The following ZNF670 variants were observed in gnomAD, a reference collection of about 807,000 sequenced individuals.
ZNF670 encodes zinc finger protein 670.
A neutral mutation model predicts 10.9 loss-of-function variants in ZNF670; 7 were observed. That is an observed-to-expected ratio of 0.64 (90% CI 0.36 to 1.20). ZNF670 has a LOEUF of 1.20. Ranked by LOEUF, ZNF670 falls within the 50% of genes most tolerant of loss-of-function variation. The probability of loss-of-function intolerance (pLI) is 0.02; values close to 1 mark genes in which losing one functional copy is unlikely to be tolerated. For synonymous variants in ZNF670, 136 were observed against 152.7 expected, an observed-to-expected ratio of 0.89 and a Z score of 0.81; for missense variants, 446 against 458.6, an observed-to-expected ratio of 0.97 and a Z score of 0.25.
intron 1 of ZNF670, among the ~76,000 whole-genome samples, chr1:247,076,822 G>A (rs1382936130): frequency 6.6e-6 from 1 of 152,112 alleles, no homozygotes; most frequent in South Asian, 2.1e-4. Flanking sequence ...CACCAGACTG[G>A]GCTAATTTTT....
intron 1 of ZNF670, among the ~76,000 whole-genome samples, chr1:247,068,161 T>C (rs1276781080): frequency 6.7e-6 from 1 of 149,492 alleles, no homozygotes; most frequent in African/African-American, 2.5e-5. Flanking sequence ...CTACTAAAGA[T>C]ACAAAAATTG....
intron 1 of ZNF670, among the ~76,000 whole-genome samples, chr1:247,053,069 G>C (rs1427010534): frequency 1.3e-5 from 2 of 152,128 alleles, no homozygotes; most frequent in African/African-American, 4.8e-5. Flanking sequence ...AGGGAAGTGG[G>C]AGAAAGCCAG....
intron 2 of ZNF670, among the ~76,000 whole-genome samples, 186 bp from the exon 3 acceptor site, chr1:247,039,056 C>CTTTTTTTTTTTTTTTTTT (rs1558335545): frequency 8.6e-6 from 1 of 116,060 alleles, no homozygotes. Flanking sequence ...TTTTTTCTTT[C>CTTTTTTTTTTTTTTTTTT]TTTCTTTTTT....
At chr1:247,048,037 G>A (rs1198897878) in intron 1 of ZNF670, among the ~76,000 whole-genome samples, 1 of 152,124 alleles carries the variant, frequency 6.6e-6, no homozygotes, top group African/African-American at 2.4e-5. Flanking sequence ...TCTGCAGCTG[G>A]CTTAAATTTT....
chr1:247,067,435 C>CAA (rs61363241), intron 1 of ZNF670, among the ~76,000 whole-genome samples: 2,250 of 77,072 alleles, frequency 0.029, 57 homozygotes, highest in Non-Finnish European at 0.034. Context: ...GATCCCGTCT[C>CAA]AAAAAAAAAA....
intron 1 of ZNF670, among the ~76,000 whole-genome samples, chr1:247,071,174 T>C (rs1278251737): frequency 1.3e-5 from 2 of 152,216 alleles, no homozygotes; most frequent in African/African-American, 2.4e-5. Context: ...TGCATGTGTA[T>C]ATTCACTGCA....
rs765510321 is a variant in ZNF670 at position 247,038,028 on chromosome 1, A to G, written c.591T>C (p.Tyr197=). The change falls in exon 4 of 4, where the codon TAT becomes TAC. Residue 197 remains tyrosine (Y), a synonymous_variant. Transcript: ENST00000366503. ...PQSTYTGEKT[Y]KCKHCDKAFN... The stretch of plus-strand genomic sequence containing the variant: ...AGGCTTTATCACAATGTTTACATTT[A>G]TATGTTTTCTCTCCAGTGTAAGTGC... The G allele has an allele frequency of 4.3e-6, 7 of 1,613,562 alleles. No homozygotes were observed.
intron 1 of ZNF670, among the ~76,000 whole-genome samples, chr1:247,073,487 T>C (rs556590524): frequency 1.3e-5 from 2 of 152,044 alleles, no homozygotes; most frequent in Admixed American, 6.5e-5. Flanking sequence ...GCCTGAGCAA[T>C]TGGAAATTTA....
chr1:247,035,370 G>A lies in ZNF670; in HGVS notation c.*2079C>T, dbSNP rs76760326. Among the ~76,000 whole-genome samples, 9,713 of 152,210 alleles carry A rather than the reference G, an allele frequency of 0.064. 440 individuals carry two copies. The highest frequency in any genetic ancestry group is 0.19 in the South Asian group (923 of 4,826). On this transcript the variant is annotated 3_prime_UTR_variant, in exon 4 of 4. Coordinates refer to ENST00000366503, the MANE Select transcript of ZNF670 (RefSeq NM_033213.5). The stretch of plus-strand genomic sequence containing the variant: ...CTGGTCCACACAAGACTTGCACTAC[G>A]GAGCAGATAGAACAAACAGGGTGTA...
At chr1:247,059,908 A>T (rs564103625) in intron 1 of ZNF670, among the ~76,000 whole-genome samples, 1 of 152,332 alleles carries the variant, frequency 6.6e-6, no homozygotes, top group East Asian at 1.9e-4. Flanking sequence ...CAGCACTTAT[A>T]TAGCACCCAG....
At chr1:247,041,817 A>G (rs190387686) in intron 1 of ZNF670, among the ~76,000 whole-genome samples, 15 of 152,374 alleles carry the variant, frequency 9.8e-5, no homozygotes, top group African/African-American at 3.6e-4. Flanking sequence ...ACATACTGAC[A>G]CAAGGAAATC....
chr1:247,061,277 G>T (rs1670854254), intron 1 of ZNF670, among the ~76,000 whole-genome samples: 1 of 151,586 alleles, frequency 6.6e-6, no homozygotes, highest in South Asian at 2.1e-4. Context: ...CGCCTCCTGG[G>T]TTCAAGCAAT....
chr1:247,059,239 A>G (rs1335109888), intron 1 of ZNF670, among the ~76,000 whole-genome samples: 1 of 151,958 alleles, frequency 6.6e-6, no homozygotes, highest in Non-Finnish European at 1.5e-5. Context: ...CAGGAGATCG[A>G]GACCATCCTG....
chr1:247,060,981 T>G (rs1345273604), intron 1 of ZNF670, among the ~76,000 whole-genome samples: 1 of 152,150 alleles, frequency 6.6e-6, no homozygotes, highest in African/African-American at 2.4e-5. Context: ...ATTTGTTTTA[T>G]ATATTTTCTG....
intron 1 of ZNF670, among the ~76,000 whole-genome samples, chr1:247,072,427 T>G (rs1395980726): frequency 6.6e-6 from 1 of 151,594 alleles, no homozygotes; most frequent in East Asian, 2.0e-4. Context: ...TGTGCTGAGA[T>G]TACAGTGGTG....
At position 247,037,917 on chromosome 1, in the gene ZNF670, G is replaced by T. The variant is rs1181995428; in HGVS notation, c.702C>A (p.Phe234Leu). ...PYACKKCGKS[F>L]TFSSSLRQHE... ...GTTGGCGAAGAGAACTGGAAAAAGTGAATGATTTACCACATTTCTTACATG... is the reference window on the plus strand; with the variant it reads ...GTTGGCGAAGAGAACTGGAAAAAGTTAATGATTTACCACATTTCTTACATG... Residue 234 changes from phenylalanine to leucine, a missense_variant, in exon 4 of 4, where the codon TTC (phenylalanine) becomes TTA (leucine). Transcript: ENST00000366503. 8 of 1,613,996 alleles carry T rather than the reference G, an allele frequency of 5.0e-6. No homozygotes were observed. The highest frequency in any genetic ancestry group is 1.7e-5 in the Admixed American group (1 of 60,012).
chr1:247,063,537 C>G lies in ZNF670; in HGVS notation c.3+15057G>C, dbSNP rs893411078. On this transcript the variant is annotated intron_variant, in intron 1 of 3. Coordinates refer to ENST00000366503, the MANE Select transcript of ZNF670 (RefSeq NM_033213.5). ...GGCGGAGCTTGCAGTGAGCCGAGATCGTGCCACTGCACTCCAGCCTGGGCG... is the reference window on the plus strand; with the variant it reads ...GGCGGAGCTTGCAGTGAGCCGAGATGGTGCCACTGCACTCCAGCCTGGGCG... Among the ~76,000 whole-genome samples the G allele has an allele frequency of 1.4e-4, 20 of 139,034 alleles. No individual in the cohort carries two copies. In the East Asian group the frequency reaches 4.2e-3, roughly 30 times the overall value. 91.2% of individuals were successfully genotyped at this position (139,034 alleles called of 152,430 possible). A position where few individuals can be genotyped will look rare whatever the true frequency, so the allele number is the denominator to read the frequency against.
At chr1:247,070,663 C>T (rs1671093840) in intron 1 of ZNF670, among the ~76,000 whole-genome samples, 2 of 152,080 alleles carry the variant, frequency 1.3e-5, no homozygotes, top group South Asian at 4.1e-4. Flanking sequence ...AGCCTCTACA[C>T]AACAAGATAA....
intron 1 of ZNF670, among the ~76,000 whole-genome samples, chr1:247,040,754 G>T (rs61317293): frequency 0.14 from 21,813 of 151,956 alleles, 1,669 homozygotes; most frequent in Middle Eastern, 0.23. Context: ...GTGCAATGGC[G>T]TGATCTCGGC....
Sources: gnomAD v4.1 joint callset for allele counts (sites outside exome capture counted in the v4.1 genomes callset) on GRCh38, gnomAD v4.1.1 for gene constraint, MANE v1.5 for transcripts, NCBI Gene and HGNC (gene_info 2026-07-23, HGNC 2026-07-21) for gene names.